Variants in ANK2 observed in about 807,000 individuals in gnomAD.
ANK2 encodes ankyrin 2.
A neutral mutation model predicts 360.5 loss-of-function variants in ANK2; 83 were observed. The observed-to-expected ratio is 0.23, with a 90% CI of 0.19 to 0.28. ANK2 has a LOEUF of 0.28. Ranked by LOEUF, ANK2 falls within the 10% of genes least tolerant of loss-of-function variation. The pLI is 1.00. For synonymous variants in ANK2, 1,740 were observed against 1,759.5 expected, an observed-to-expected ratio of 0.99 and a Z score of 0.28; for missense variants, 4,201 against 4,795.7, an observed-to-expected ratio of 0.88 and a Z score of 3.66.
intron 1 of ANK2, chr4:112,826,467 T>C: frequency 9.1e-7 from 1 of 1,096,294 alleles, no homozygotes; most frequent in Admixed American, 1.9e-5. Context: ...TTGTCTTCCA[T>C]CTGTGAAACC....
Position 113,238,375 on chromosome 4 carries a change from T to C in ANK2, c.693+753T>C, listed in dbSNP as rs999381857. On this transcript the variant is annotated intron_variant, in intron 7 of 45. Coordinates refer to ENST00000357077, the MANE Select transcript of ANK2 (RefSeq NM_001148.6). ...TTTTTATGTAGGTCCATTATTGTTT[T>C]GCTGAGGGGATTCTTTAGACTATCA... Among the ~76,000 whole-genome samples, 9 of 152,314 alleles carry C rather than the reference T, an allele frequency of 5.9e-5. No homozygotes were observed. The South Asian group carries it at 8.3e-4, about 14-fold the overall frequency.
At chr4:112,811,249 C>A in the ANK2 span, among the ~76,000 whole-genome samples, 1 of 151,940 alleles carries the variant, frequency 6.6e-6, no homozygotes, top group Non-Finnish European at 1.5e-5. Flanking sequence ...GAGACTGGAT[C>A]AGTTTTCCGG....
rs973179206 is a variant in ANK2 at position 113,152,748 on chromosome 4, A to AT, written c.85-21659dup. 5.9e-4 allele frequency among the ~76,000 whole-genome samples: 90 copies of AT among 151,384 alleles called. 1 individual carries two copies. Among genetic ancestry groups the AT allele is most frequent in the African/African-American group, 1.8e-3 (73 of 41,262 alleles). On this transcript the variant is annotated intron_variant, in intron 1 of 45. Transcript: ENST00000357077. ...ACAGGGAGATTCTGTCTCTATATTAATTTTTTTTTAAGTTTGATGGTGTGC... is the reference window on the plus strand; with the variant it reads ...ACAGGGAGATTCTGTCTCTATATTAATTTTTTTTTTAAGTTTGATGGTGTGC...
At chr4:113,163,279 C>A (rs570691703) in intron 1 of ANK2, among the ~76,000 whole-genome samples, 1 of 152,214 alleles carries the variant, frequency 6.6e-6, no homozygotes, top group South Asian at 2.1e-4. Flanking sequence ...TTCTAAAGCT[C>A]ACCATTTGCA....
Position 113,360,297 on chromosome 4 carries a change from C to T in ANK2, c.10682-526C>T, listed in dbSNP as rs1487838205. ...GCTTTTATCCTCGTTTCTCCAAGGTCACCAGGACCAAATGTTGTTTCTGGC... is the reference window on the plus strand; with the variant it reads ...GCTTTTATCCTCGTTTCTCCAAGGTTACCAGGACCAAATGTTGTTTCTGGC... On this transcript the variant is annotated intron_variant, in intron 38 of 45. Coordinates refer to ENST00000357077, the MANE Select transcript of ANK2 (RefSeq NM_001148.6). 2.0e-5 allele frequency among the ~76,000 whole-genome samples: 3 copies of T among 152,156 alleles called. No homozygotes were observed. In the East Asian group the frequency reaches 5.8e-4, roughly 29 times the overall value.
chr4:113,013,419 T>C (rs2055445627), intron 2 of ANK2, among the ~76,000 whole-genome samples: 1 of 152,172 alleles, frequency 6.6e-6, no homozygotes. Context: ...TATATTATTA[T>C]TTTTGGTTTA....
Position 112,849,980 on chromosome 4 carries a change from C to G in ANK2, c.-40+31716C>G, listed in dbSNP as rs191346953. On this transcript the variant is annotated intron_variant, in intron 1 of 30. Transcript: ENST00000503271. ...CAAAAAGGTGAAGGAAGGGTGAATT[C>G]TCTTCTTGAGCTGGGACATCTATCT... Among the ~76,000 whole-genome samples, 149 of 152,226 alleles carry G rather than the reference C, an allele frequency of 9.8e-4. 2 individuals carry two copies. The highest frequency in any genetic ancestry group is 3.4e-3 in the Middle Eastern group (1 of 294).
intron 1 of ANK2, among the ~76,000 whole-genome samples, chr4:112,857,282 A>G (rs897861947): frequency 3.9e-5 from 6 of 152,242 alleles, no homozygotes; most frequent in African/African-American, 1.2e-4. Context: ...CAGTTCTCTA[A>G]GAAGGCTGAA....
chr4:112,832,646 C>A (rs1187238012), intron 1 of ANK2, among the ~76,000 whole-genome samples: 3 of 152,092 alleles, frequency 2.0e-5, no homozygotes, highest in Admixed American at 6.6e-5. Context: ...TAAACTAAGT[C>A]CTGTAAGAAC....
At chr4:112,867,212 G>A (rs2070937939) in intron 1 of ANK2, among the ~76,000 whole-genome samples, 1 of 150,190 alleles carries the variant, frequency 6.7e-6, no homozygotes, top group Admixed American at 6.7e-5. Context: ...TTTCTACCTT[G>A]TGCTCTTATT....
rs184510168 is a variant in ANK2, at chr4:113,254,312, G to A, written c.991-1423G>A. On this transcript the variant is annotated intron_variant, in intron 10 of 45. Transcript: ENST00000357077. ...TAGAGACGGGGGTTTCCTGTCTGTT[G>A]TGTTCCCTGCTGTATCCACAGTACT... Among the ~76,000 whole-genome samples, 191 of 152,250 alleles carry A rather than the reference G, an allele frequency of 1.3e-3. 1 individual carries two copies. The highest frequency in any genetic ancestry group is 6.8e-3 in the Middle Eastern group (2 of 294).
At chr4:112,784,861 GA>G in the ANK2 span, among the ~76,000 whole-genome samples, 1 of 152,208 alleles carries the variant, frequency 6.6e-6, no homozygotes, top group Non-Finnish European at 1.5e-5. Context: ...TAATTCTCAT[GA>G]AAGATTCTCA....
At chr4:113,237,263 T>A (rs772814419) in intron 6 of ANK2, 91 bp downstream of exon 6, 86 of 1,425,572 alleles carry the variant, frequency 6.0e-5, no homozygotes, top group Admixed American at 1.2e-4. Context: ...ATGGTGATAA[T>A]GCAAAATTAT....
intron 2 of ANK2, among the ~76,000 whole-genome samples, chr4:113,039,805 G>A (rs10015472): frequency 0.61 from 92,461 of 151,576 alleles, 28,751 homozygotes; most frequent in Admixed American, 0.71. Flanking sequence ...TCTAACATTG[G>A]GATTCTTTGT....
intron 2 of ANK2, among the ~76,000 whole-genome samples, chr4:112,911,500 G>A (rs1023890114): frequency 2.6e-5 from 4 of 151,942 alleles, no homozygotes; most frequent in Admixed American, 1.3e-4. Flanking sequence ...TCCAGCCTGG[G>A]CAACAGAGCG....
intron 1 of ANK2, among the ~76,000 whole-genome samples, chr4:112,854,071 G>A (rs1579757576): frequency 6.6e-6 from 1 of 152,242 alleles, no homozygotes; most frequent in South Asian, 2.1e-4. Flanking sequence ...TGCGTTACAG[G>A]GACTATAATA....
intron 32 of ANK2, 21 bp from the exon 33 acceptor site, chr4:113,341,667 T>A: frequency 8.7e-6 from 14 of 1,611,920 alleles, no homozygotes; most frequent in Non-Finnish European, 1.2e-5. Flanking sequence ...TTTAGATAAC[T>A]GACTTTATTT....
At chr4:113,336,095 T>A (rs1395445554) in intron 30 of ANK2, 38 bp downstream of exon 30, 1 of 1,593,968 alleles carries the variant, frequency 6.3e-7, no homozygotes. Context: ...CTAACAGGAT[T>A]GTATTCTAAT....
rs551454026 is a variant in ANK2 at position 113,357,386 on chromosome 4, A to G, written c.8768A>G (p.Gln2923Arg). ...GAGAATGATGAAATCTATGATCCAC[A>G]AATCACTAGCCCTTATGAAAATGTC... ...LAENDEIYDP[Q>R]ITSPYENVPS... Residue 2923 changes from glutamine to arginine, a missense_variant, in exon 38 of 46, where the codon CAA becomes CGA. By Grantham distance (43) the Gln-to-Arg change is conservative (BLOSUM62 1). Transcript: ENST00000357077. 4.2e-4 allele frequency: 685 copies of G among 1,614,068 alleles called. 9 individuals carry two copies. In the South Asian group the frequency reaches 6.6e-3, roughly 15 times the overall value.
Sources: gnomAD v4.1 joint callset for allele counts (sites outside exome capture counted in the v4.1 genomes callset) on GRCh38, gnomAD v4.1.1 for gene constraint, MANE v1.5 for transcripts, NCBI Gene and HGNC (gene_info 2026-07-23, HGNC 2026-07-21) for gene names.